RANBP3: variants seen among roughly 807,000 people sequenced by gnomAD.
RANBP3 encodes the protein RAN binding protein 3.
In RANBP3, 14 loss-of-function variants were observed where a neutral mutation model predicts 77.3. The ratio of observed to expected loss-of-function variants is 0.18; its 90% CI spans 0.12 to 0.28. RANBP3 has a LOEUF of 0.28. RANBP3 is among the 10% of genes least tolerant of loss of function. The pLI is 1.00. For synonymous variants in RANBP3, 315 were observed against 312.4 expected (o/e 1.01, Z -0.09); for missense variants, 586 against 752.3 (o/e 0.78, Z 2.59).
Position 5,957,436 on chromosome 19 carries a change from T to A in RANBP3, c.78+482A>T, listed in dbSNP as rs373168970. ...TATATAATGCAAACAAATGAACAAT[T>A]ACTCTAAATGCACGTACGCCCAGCT... On this transcript the variant is annotated intron_variant, in intron 2 of 16. Coordinates refer to ENST00000340578, the MANE Select transcript of RANBP3 (RefSeq NM_007322.3). Among the ~76,000 whole-genome samples the A allele has an allele frequency of 2.3e-3, 352 of 152,086 alleles. 3 individuals are homozygous for A. In the South Asian group the frequency reaches 0.04, roughly 17 times the overall value.
chr19:5,927,602 G>A (rs958244264), intron 9 of RANBP3, among the ~76,000 whole-genome samples: 10 of 152,194 alleles, frequency 6.6e-5, no homozygotes, highest in Admixed American at 1.3e-4. Context: ...CCTGAAATAC[G>A]GGAACAGAAA....
At chr19:5,935,677 C>G (rs754819726) in intron 5 of RANBP3, 31 of 456,102 alleles carry the variant, frequency 6.8e-5, no homozygotes, top group Admixed American at 4.0e-4. Context: ...ATAATCCCTG[C>G]CACCGACCTG....
At chr19:5,918,104 C>T in intron 15 of RANBP3, 124 bp from the exon 16 acceptor site, 1 of 1,137,410 alleles carries the variant, frequency 8.8e-7, no homozygotes, top group South Asian at 1.6e-5. Flanking sequence ...TGTGGGGAGG[C>T]CATTGGCCCT....
At chr19:5,955,819 G>A (rs2058328986) in intron 2 of RANBP3, among the ~76,000 whole-genome samples, 1 of 152,218 alleles carries the variant, frequency 6.6e-6, no homozygotes, top group South Asian at 2.1e-4. Context: ...GATAGTTGTG[G>A]CTCTGTTCTT....
At chr19:5,962,912 C>A (rs763443760) in intron 1 of RANBP3, among the ~76,000 whole-genome samples, 1 of 152,078 alleles carries the variant, frequency 6.6e-6, no homozygotes, top group African/African-American at 2.4e-5. Context: ...TCTGGCTATA[C>A]CAGTGAGGAA....
chr19:5,922,408 C>T (rs1390643075), intron 13 of RANBP3, among the ~76,000 whole-genome samples: 1 of 152,188 alleles, frequency 6.6e-6, no homozygotes, highest in African/African-American at 2.4e-5. Flanking sequence ...GACACAGACA[C>T]CTGCTTATGT....
intron 5 of RANBP3, chr19:5,934,401 G>A (rs765669269): frequency 5.9e-5 from 9 of 152,238 alleles, no homozygotes; most frequent in Non-Finnish European, 1.2e-4. Flanking sequence ...CAGGACACAA[G>A]ATCAATATAC....
At chr19:5,972,547 G>A (rs2058542768) in intron 1 of RANBP3, among the ~76,000 whole-genome samples, 1 of 152,190 alleles carries the variant, frequency 6.6e-6, no homozygotes, top group African/African-American at 2.4e-5. Flanking sequence ...TTGCTTCAAA[G>A]TACCATGGAG....
chr19:5,941,562 G>C, intron 5 of RANBP3, 59 bp downstream of exon 5: 1 of 1,426,834 alleles, frequency 7.0e-7, no homozygotes, highest in Non-Finnish European at 9.8e-7. Flanking sequence ...GGCACTGAGG[G>C]GAATGGCGGG....
rs769998108 is a variant in RANBP3, at chr19:5,918,541, T to C, written c.1428A>G (p.Thr476=). 16 of 1,613,478 alleles carry C rather than the reference T, an allele frequency of 9.9e-6. No homozygotes were observed. Among genetic ancestry groups the C allele is most frequent in the Non-Finnish European group, 1.4e-5 (16 of 1,179,856 alleles). Residue 476 remains threonine, a synonymous_variant, in exon 15 of 17, where the codon ACA becomes ACG. Transcript: ENST00000340578. ...DKASEKSIRI[T]AMDTEDQGVK... ...CGCCCTGGTCCTCGGTGTCCATGGCTGTGATGCGAATGCTCTTCTCGCTGG... is the reference window on the plus strand; with the variant it reads ...CGCCCTGGTCCTCGGTGTCCATGGCCGTGATGCGAATGCTCTTCTCGCTGG...
In RANBP3 at chr19:5,924,905, A is replaced by G. The variant is rs2057881113; in HGVS notation, c.918T>C (p.Ser306=). The change falls in exon 11 of 17, where the codon AGT becomes AGC. Residue 306 remains serine, a splice_region_variant and synonymous_variant. Transcript: ENST00000340578. This position sits in a 1 kb window ranked among gnomAD's most constrained non-coding sequence, Gnocchi z 4.7. ...CGGCACTATTGGTTGAGTTCTCTAA[A>G]CTGAAGAGAAGATGTGCAATGAGTG... The part of the protein sequence containing the change: ...TNYFLQYISS[S]LENSTNSADA... 1.2e-6 allele frequency: 2 copies of G among 1,613,068 alleles called. No individual in the cohort carries two copies. The highest frequency in any genetic ancestry group is 1.7e-5 in the Admixed American group (1 of 60,000).
At chr19:5,945,075 T>C (rs1476866282) in intron 3 of RANBP3, among the ~76,000 whole-genome samples, 1 of 152,178 alleles carries the variant, frequency 6.6e-6, no homozygotes, top group Non-Finnish European at 1.5e-5. Flanking sequence ...TCTTTCTCTG[T>C]GGCTTATTCT....
intron 10 of RANBP3, 105 bp from the exon 11 acceptor site, chr19:5,925,010 G>T: frequency 1.9e-6 from 2 of 1,039,140 alleles, no homozygotes; most frequent in Non-Finnish European, 3.0e-6. Context: ...GCACAGTGGA[G>T]GGGCCTCCGC....
intron 5 of RANBP3, chr19:5,934,370 C>A (rs2058036873): frequency 6.6e-6 from 1 of 152,232 alleles, no homozygotes; most frequent in Non-Finnish European, 1.5e-5. Flanking sequence ...TTGTGCTAAG[C>A]TTCACCCCCT....
At chr19:5,917,733 T>TG in intron 16 of RANBP3, 61 bp downstream of exon 16, 1 of 1,587,998 alleles carries the variant, frequency 6.3e-7, no homozygotes, top group South Asian at 1.1e-5. Flanking sequence ...AGATCAGCAC[T>TG]GGATCAAGGA....
Position 5,951,535 on chromosome 19 carries a change from G to A in RANBP3, c.140C>T (p.Ala47Val), listed in dbSNP as rs1364283175. 3 of 1,612,404 alleles carry A rather than the reference G, an allele frequency of 1.9e-6. No homozygotes were observed. The highest frequency in any genetic ancestry group is 2.5e-6 in the Non-Finnish European group (3 of 1,179,182). Residue 47 changes from alanine to valine, a missense_variant, in exon 3 of 17, where the codon GCC becomes GTC. Physicochemically the swap from Ala to Val is moderately conservative, Grantham distance 64. This residue lies in a region of RANBP3 where 172 missense variants were observed against 183.4 expected (regional missense o/e 0.94). Coordinates refer to ENST00000340578, the MANE Select transcript of RANBP3 (RefSeq NM_007322.3). ...SGEEPRGEAE[A>V]PHHGTGHPES... is the part of the protein sequence containing the mutation. ...GGGGTGACCCGTGCCATGGTGGGGG[G>A]CCTCAGCCTCCCCCCGAGGCTCCTC...
chr19:5,969,130 C>G (rs2058501966), intron 1 of RANBP3, among the ~76,000 whole-genome samples: 1 of 152,200 alleles, frequency 6.6e-6, no homozygotes, highest in Non-Finnish European at 1.5e-5. Flanking sequence ...ACGGGAAGGG[C>G]TGGGTGGAGC....
At chr19:5,969,637 G>T (rs949679460) in intron 1 of RANBP3, among the ~76,000 whole-genome samples, 3 of 152,232 alleles carry the variant, frequency 2.0e-5, no homozygotes, top group African/African-American at 7.2e-5. Flanking sequence ...GACTCACCGG[G>T]AAGGACAAGC....
At chr19:5,953,640 C>A (rs1037113067) in intron 2 of RANBP3, among the ~76,000 whole-genome samples, 1 of 152,092 alleles carries the variant, frequency 6.6e-6, no homozygotes, top group East Asian at 1.9e-4. Context: ...ATGGAACAGC[C>A]TACATAAGGA....
Sources: gnomAD v4.1 joint callset for allele counts (sites outside exome capture counted in the v4.1 genomes callset) on GRCh38, gnomAD v4.1.1 for gene constraint, gnomAD v4.1.1 regional missense constraint, Gnocchi (gnomAD v3.1) non-coding constraint, MANE v1.5 for transcripts, NCBI Gene and HGNC (gene_info 2026-07-23, HGNC 2026-07-21) for gene names.